The following PDE11A variants were observed in gnomAD, a reference collection of about 807,000 sequenced individuals.
The protein encoded by PDE11A is dual 3',5'-cyclic-AMP and -GMP phosphodiesterase 11A.
PDE11A carries 100 observed loss-of-function variants against 100.5 expected under a neutral mutation model. The observed-to-expected ratio is 1.00, with a 90% CI of 0.85 to 1.18. The LOEUF is 1.18. Ranked by LOEUF, PDE11A falls within the 50% of genes most tolerant of loss-of-function variation. The probability of loss-of-function intolerance (pLI) is 0.00; values close to 1 mark genes in which losing one functional copy is unlikely to be tolerated. For synonymous variants in PDE11A, 381 were observed against 420.8 expected (o/e 0.91, Z 1.16); for missense variants, 1,141 against 1,152.6 (o/e 0.99, Z 0.15).
At chr2:177,902,854 C>G (rs985955690) in intron 3 of PDE11A, among the ~76,000 whole-genome samples, 1 of 152,198 alleles carries the variant, frequency 6.6e-6, no homozygotes, top group Admixed American at 6.5e-5. Context: ...TCTCACTGCC[C>G]TAGTCCCAGC....
chr2:177,907,424 C>G (rs1271468567), intron 2 of PDE11A, among the ~76,000 whole-genome samples: 2 of 152,126 alleles, frequency 1.3e-5, no homozygotes, highest in African/African-American at 4.8e-5. Flanking sequence ...TGGCTAAGCC[C>G]TTCTGTCATT....
intron 6 of PDE11A, among the ~76,000 whole-genome samples, chr2:177,829,156 G>A (rs573559847): frequency 6.6e-6 from 1 of 152,058 alleles, no homozygotes; most frequent in Non-Finnish European, 1.5e-5. Flanking sequence ...GGATTGTGTT[G>A]CCTCAATAGA....
At chr2:177,667,351 A>G (rs1239469237) in intron 18 of PDE11A, among the ~76,000 whole-genome samples, 1 of 152,124 alleles carries the variant, frequency 6.6e-6, no homozygotes, top group African/African-American at 2.4e-5. Flanking sequence ...ATTTATACCT[A>G]TATTTTCTTC....
At chr2:178,035,076 A>G (rs920216406) in intron 1 of PDE11A, among the ~76,000 whole-genome samples, 17 of 152,196 alleles carry the variant, frequency 1.1e-4, no homozygotes, top group African/African-American at 4.1e-4. Context: ...AAAAAAATCA[A>G]TGAATCCAGG....
At chr2:177,930,109 A>T (rs2105762721) in intron 2 of PDE11A, among the ~76,000 whole-genome samples, 1 of 152,316 alleles carries the variant, frequency 6.6e-6, no homozygotes, top group Middle Eastern at 3.4e-3. Context: ...AATTCAATTG[A>T]TCGATTAATT....
chr2:177,762,665 T>C (rs867553052), intron 10 of PDE11A, among the ~76,000 whole-genome samples: 22 of 152,218 alleles, frequency 1.4e-4, no homozygotes, highest in African/African-American at 4.8e-4. Flanking sequence ...TGAATTCTGC[T>C]GTGCTAACAT....
chr2:177,649,383 ATTG>A (rs2080274228), intron 19 of PDE11A, among the ~76,000 whole-genome samples: 2 of 152,224 alleles, frequency 1.3e-5, no homozygotes, highest in Non-Finnish European at 1.5e-5. Flanking sequence ...TAAATAATTA[ATTG>A]TTGTTTAAAT....
At chr2:177,961,985 AGG>A (rs772088947) in intron 2 of PDE11A, among the ~76,000 whole-genome samples, 3 of 134,554 alleles carry the variant, frequency 2.2e-5, no homozygotes, top group Non-Finnish European at 3.1e-5. Flanking sequence ...TGATCCCGGG[AGG>A]CAGAAGTTGC....
chr2:177,817,545 C>T (rs1042958136), intron 8 of PDE11A, among the ~76,000 whole-genome samples: 14 of 152,070 alleles, frequency 9.2e-5, no homozygotes, highest in African/African-American at 3.4e-4. Flanking sequence ...GCAGAGCTGG[C>T]TCAGGGTTTC....
rs371225198 is a variant in PDE11A, at chr2:177,869,435, A to G, written c.1367+6424T>C. On this transcript the variant is annotated intron_variant, in intron 5 of 19. Transcript: ENST00000286063. ...ATTTGGCCCTGTCTATATTTAAACC[A>G]GCAACATTTGTTGAATCCTGCTCGT... Among the ~76,000 whole-genome samples the G allele has an allele frequency of 1.5e-4, 23 of 152,338 alleles. No individual in the cohort carries two copies. In the East Asian group the frequency reaches 3.1e-3, roughly 20 times the overall value.
intron 1 of PDE11A, among the ~76,000 whole-genome samples, chr2:178,052,949 G>GTACCA (rs2086847869): frequency 1.3e-5 from 2 of 152,144 alleles, no homozygotes; most frequent in African/African-American, 4.8e-5. Context: ...AGAGGAGCTG[G>GTACCA]TACCATTCCT....
chr2:178,107,960 T>G (rs2087641141), intron 1 of PDE11A, among the ~76,000 whole-genome samples: 13 of 152,220 alleles, frequency 8.5e-5, no homozygotes, highest in Admixed American at 7.8e-4. Flanking sequence ...GACCTCGTGA[T>G]CCGCCTGCCA....
At chr2:177,699,851 G>A (rs563554348) in intron 14 of PDE11A, among the ~76,000 whole-genome samples, 98 of 152,268 alleles carry the variant, frequency 6.4e-4, no homozygotes, top group Non-Finnish European at 1.1e-3. Context: ...AGTGAAGGAC[G>A]GCCAATGTGT....
chr2:177,920,997 G>A (rs1432730178), intron 2 of PDE11A, among the ~76,000 whole-genome samples: 2 of 151,132 alleles, frequency 1.3e-5, no homozygotes, highest in African/African-American at 2.4e-5. Flanking sequence ...GGGAGGCAGA[G>A]CTTGCAGTGA....
At position 177,737,430 on chromosome 2, in the gene PDE11A, CAT is replaced by C. The variant is rs1294624990; in HGVS notation, c.1789-9260_1789-9259del. Among the ~76,000 whole-genome samples the C allele has an allele frequency of 7.6e-5, 11 of 144,828 alleles. 1 individual carries two copies. Among genetic ancestry groups the C allele is most frequent in the South Asian group, 4.8e-4 (2 of 4,182 alleles). On this transcript the variant is annotated intron_variant, in intron 10 of 19. Coordinates refer to ENST00000286063, the MANE Select transcript of PDE11A (RefSeq NM_016953.4). ...CGTCTCTACTAAAAATACACACACA[CAT>C]ACACACACACACACACAAATTAGCC...
chr2:177,929,503 C>G (rs1472878660), intron 2 of PDE11A, among the ~76,000 whole-genome samples: 2 of 152,148 alleles, frequency 1.3e-5, no homozygotes, highest in African/African-American at 2.4e-5. Context: ...ATTTTAAAGC[C>G]TGCTAGGATG....
chr2:177,797,465 A>G (rs2082722207), intron 9 of PDE11A, among the ~76,000 whole-genome samples: 1 of 152,212 alleles, frequency 6.6e-6, no homozygotes, highest in Admixed American at 6.5e-5. Flanking sequence ...CATATGCAAA[A>G]CACATAATTA....
At chr2:178,012,720 T>G (rs2086286702) in intron 2 of PDE11A, among the ~76,000 whole-genome samples, 1 of 152,146 alleles carries the variant, frequency 6.6e-6, no homozygotes, top group African/African-American at 2.4e-5. Context: ...AAATCTAACA[T>G]AAATGGAATC....
At chr2:178,032,367 C>G (rs1404748346) in intron 1 of PDE11A, among the ~76,000 whole-genome samples, 1 of 151,952 alleles carries the variant, frequency 6.6e-6, no homozygotes, top group Non-Finnish European at 1.5e-5. Context: ...GCCTGTAGTC[C>G]CAGCTACTGG....
Sources: allele counts gnomAD v4.1 joint callset (sites outside exome capture counted in the v4.1 genomes callset), GRCh38; gene constraint gnomAD v4.1.1; transcripts MANE v1.5; gene names NCBI Gene and HGNC (gene_info 2026-07-23, HGNC 2026-07-21).